PTPRD: variants seen among roughly 807,000 people sequenced by gnomAD.
PTPRD encodes protein tyrosine phosphatase receptor type D.
Under a neutral mutation model 214.5 loss-of-function variants are expected in PTPRD, and 34 were observed. That is an observed-to-expected ratio of 0.16 (90% CI 0.12 to 0.21). The LOEUF (loss-of-function observed/expected upper bound fraction) is 0.21. PTPRD is among the 10% of genes least tolerant of loss of function. PTPRD has a pLI of 1.00. For missense variants in PTPRD, 2,545 were observed against 2,398.7 expected (o/e 1.06, Z -1.27); for synonymous variants, 1,128 against 845.7 (o/e 1.33, Z -5.79).
chr9:8,890,297 A>G lies in PTPRD; in HGVS notation c.-104+128400T>C, dbSNP rs917797545. Among the ~76,000 whole-genome samples the G allele has an allele frequency of 2.0e-5, 3 of 152,240 alleles. No individual in the cohort carries two copies. In the East Asian group the frequency reaches 5.8e-4, roughly 29 times the overall value. On this transcript the variant is annotated intron_variant, in intron 11 of 45. Coordinates refer to ENST00000381196, the MANE Select transcript of PTPRD (RefSeq NM_002839.4). ...GGTAACATTACCTAGATACATCAGG[A>G]AACAGTTTCTTTTCCAGGCTTAATG...
At chr9:10,000,261 G>C (rs1252287918) in intron 4 of PTPRD, among the ~76,000 whole-genome samples, 2 of 152,160 alleles carry the variant, frequency 1.3e-5, no homozygotes, top group Non-Finnish European at 2.9e-5. Flanking sequence ...ACTAACAAGA[G>C]TCAAATTACA....
At chr9:9,317,668 T>C (rs1964023860) in intron 9 of PTPRD, among the ~76,000 whole-genome samples, 1 of 152,142 alleles carries the variant, frequency 6.6e-6, no homozygotes, top group East Asian at 1.9e-4. Flanking sequence ...AATTTCAGTT[T>C]TGATTGTTAT....
chr9:10,079,986 AC>A (rs1175167742), intron 3 of PTPRD, among the ~76,000 whole-genome samples: 3 of 148,226 alleles, frequency 2.0e-5, no homozygotes, highest in African/African-American at 7.5e-5. Context: ...AACACATGTC[AC>A]TGTCAAATGT....
chr9:9,521,204 T>C (rs1173300165), intron 8 of PTPRD, among the ~76,000 whole-genome samples: 1 of 152,138 alleles, frequency 6.6e-6, no homozygotes, highest in African/African-American at 2.4e-5. Flanking sequence ...ACCCCATGTG[T>C]GTACTGAACA....
intron 10 of PTPRD, among the ~76,000 whole-genome samples, chr9:9,137,954 A>T (rs2099853566): frequency 6.6e-6 from 1 of 152,170 alleles, no homozygotes; most frequent in African/African-American, 2.4e-5. Flanking sequence ...TGCATCAGGT[A>T]TTATTACCTC....
chr9:9,792,810 G>A (rs1199685070), intron 5 of PTPRD, among the ~76,000 whole-genome samples: 1 of 152,090 alleles, frequency 6.6e-6, no homozygotes, highest in Non-Finnish European at 1.5e-5. Context: ...TGGGACAGGT[G>A]TTAATTTCAA....
intron 39 of PTPRD, among the ~76,000 whole-genome samples, chr9:8,358,714 T>C (rs551842608): frequency 6.6e-6 from 1 of 152,284 alleles, no homozygotes; most frequent in East Asian, 1.9e-4. Context: ...ACAGAGTAGA[T>C]ATGCAACCTT....
At chr9:10,520,604 T>A (rs187298273) in intron 2 of PTPRD, among the ~76,000 whole-genome samples, 1 of 152,312 alleles carries the variant, frequency 6.6e-6, no homozygotes, top group East Asian at 1.9e-4. Context: ...AAGCATACCA[T>A]CTTAGACCTT....
intron 7 of PTPRD, among the ~76,000 whole-genome samples, chr9:9,627,412 T>C (rs777680800): frequency 3.3e-5 from 5 of 152,206 alleles, no homozygotes; most frequent in African/African-American, 1.2e-4. Context: ...GTTAATAATT[T>C]GTTACTTTGC....
intron 6 of PTPRD, among the ~76,000 whole-genome samples, chr9:9,753,341 G>A (rs12554796): frequency 0.058 from 8,879 of 151,932 alleles, 825 homozygotes; most frequent in East Asian, 0.38. Flanking sequence ...ATCAATTTGT[G>A]TTATGAAGTG....
Position 9,967,944 on chromosome 9 carries a change from ATTTGTCACAAAAT to A in PTPRD, c.-471-29347_-471-29335del, listed in dbSNP as rs2094822146. 2.6e-5 allele frequency among the ~76,000 whole-genome samples: 4 copies of A among 152,228 alleles called. No homozygotes were observed. In the South Asian group the frequency reaches 8.3e-4, roughly 32 times the overall value. On this transcript the variant is annotated intron_variant, in intron 4 of 45. Coordinates refer to ENST00000381196, the MANE Select transcript of PTPRD (RefSeq NM_002839.4). ...ATGATACATAAACATATTAAGAAAAATTTGTCACAAAATTTTAGAATTTGATATCCACATTAGA... is the reference window on the plus strand; with the variant it reads ...ATGATACATAAACATATTAAGAAAAATTTAGAATTTGATATCCACATTAGA...
At chr9:10,596,058 C>T (rs973820187) in intron 2 of PTPRD, among the ~76,000 whole-genome samples, 13 of 151,870 alleles carry the variant, frequency 8.6e-5, no homozygotes, top group African/African-American at 2.6e-4. Flanking sequence ...CAAATAGATA[C>T]ATGCGTTTAT....
intron 2 of PTPRD, among the ~76,000 whole-genome samples, chr9:10,589,747 AG>A (rs1480843179): frequency 1.3e-5 from 2 of 152,022 alleles, no homozygotes; most frequent in Non-Finnish European, 2.9e-5. Context: ...AGGCAGCAGA[AG>A]GCTTAGAATC....
chr9:8,731,573 A>G (rs1412434645), intron 12 of PTPRD, among the ~76,000 whole-genome samples: 2 of 152,208 alleles, frequency 1.3e-5, no homozygotes, highest in African/African-American at 4.8e-5. Flanking sequence ...AAGAAAAGGT[A>G]ATGACAGTAT....
At chr9:8,322,467 C>A (rs555882052) in intron 44 of PTPRD, among the ~76,000 whole-genome samples, 1 of 152,262 alleles carries the variant, frequency 6.6e-6, no homozygotes, top group South Asian at 2.1e-4. Flanking sequence ...TAAAGGCCTG[C>A]ATAGAAGATC....
intron 11 of PTPRD, among the ~76,000 whole-genome samples, chr9:8,833,013 G>GA (rs936723021): frequency 9.9e-5 from 15 of 151,044 alleles, no homozygotes; most frequent in South Asian, 6.3e-4. Context: ...CTTTGCAGAT[G>GA]AAAAAAAAAT....
chr9:9,567,612 T>A (rs2084979665), intron 8 of PTPRD, among the ~76,000 whole-genome samples: 1 of 152,016 alleles, frequency 6.6e-6, no homozygotes, highest in Non-Finnish European at 1.5e-5. Flanking sequence ...TCAAGAAGGA[T>A]GTAGTACACC....
At chr9:9,129,846 G>T (rs943547705) in intron 10 of PTPRD, among the ~76,000 whole-genome samples, 1 of 152,118 alleles carries the variant, frequency 6.6e-6, no homozygotes. Context: ...TGACAGCATA[G>T]TATTGAGGAG....
intron 3 of PTPRD, among the ~76,000 whole-genome samples, chr9:10,172,939 T>A (rs1475566885): frequency 6.7e-6 from 1 of 149,836 alleles, no homozygotes; most frequent in Non-Finnish European, 1.5e-5. Flanking sequence ...TTAACTTAAA[T>A]AAAACTAATA....
Sources: allele counts gnomAD v4.1 joint callset (sites outside exome capture counted in the v4.1 genomes callset), GRCh38; gene constraint gnomAD v4.1.1; transcripts MANE v1.5; gene names NCBI Gene and HGNC (gene_info 2026-07-23, HGNC 2026-07-21).